TMEM131: variants seen among roughly 807,000 people sequenced by gnomAD.
TMEM131 encodes 2610524E03Rik.
In TMEM131, 66 loss-of-function variants were observed where a neutral mutation model predicts 211.6. That is an observed-to-expected ratio of 0.31 (90% confidence interval 0.26 to 0.38). The LOEUF (loss-of-function observed/expected upper bound fraction) is 0.38. Among genes scored for constraint, TMEM131 ranks in the 10% least tolerant of loss-of-function variants. The pLI is 1.00. For missense variants in TMEM131, 2,036 were observed against 2,299.3 expected, an observed-to-expected ratio of 0.89 and a Z score of 2.34; for synonymous variants, 844 against 841.3, an observed-to-expected ratio of 1.00 and a Z score of -0.06.
In TMEM131 at chr2:97,766,020, T is replaced by C; in HGVS notation, c.4723+94A>G. ...GCTGGCAAAGCACTGTCAATGGGTA[T>C]TTTAAAGCAACATGCCCCTGAAGAG... On this transcript the variant is annotated intron_variant, in intron 35 of 40. Transcript: ENST00000186436. 3 of 1,508,578 alleles carry C rather than the reference T, an allele frequency of 2.0e-6. No individual in the cohort carries two copies. The South Asian group carries it at 3.9e-5, about 19-fold the overall frequency. The allele number at this position is 1,508,578 out of a possible 1,614,324, so 93.4% of individuals were successfully genotyped here.
At chr2:97,816,563 A>G (rs1040921657) in intron 12 of TMEM131, among the ~76,000 whole-genome samples, 5 of 152,186 alleles carry the variant, frequency 3.3e-5, no homozygotes, top group African/African-American at 7.2e-5. Flanking sequence ...AAAAAAGAAC[A>G]AGGAAATGGT....
chr2:97,955,907 C>T (rs547523453), intron 1 of TMEM131, among the ~76,000 whole-genome samples: 34 of 152,068 alleles, frequency 2.2e-4, no homozygotes, highest in Middle Eastern at 3.4e-3. Context: ...GTCAATTCTC[C>T]CCAAATTAAT....
intron 1 of TMEM131, among the ~76,000 whole-genome samples, chr2:97,954,787 CAA>C (rs1259570680): frequency 2.4e-5 from 2 of 84,832 alleles, no homozygotes; most frequent in Non-Finnish European, 4.2e-5. Flanking sequence ...GCCTGGGAGA[CAA>C]GAGTGAAACT....
intron 1 of TMEM131, among the ~76,000 whole-genome samples, chr2:97,988,724 G>C (rs1220586250): frequency 6.6e-6 from 1 of 152,066 alleles, no homozygotes; most frequent in Non-Finnish European, 1.5e-5. Flanking sequence ...CAATGAGATA[G>C]CACCTCACAC....
chr2:97,909,144 T>C (rs887322766), intron 2 of TMEM131, among the ~76,000 whole-genome samples: 1 of 152,078 alleles, frequency 6.6e-6, no homozygotes, highest in Non-Finnish European at 1.5e-5. Flanking sequence ...AAAGGTGCTG[T>C]GAACAGGAAT....
At chr2:97,959,465 T>G (rs541655094) in intron 1 of TMEM131, among the ~76,000 whole-genome samples, 1 of 152,174 alleles carries the variant, frequency 6.6e-6, no homozygotes, top group African/African-American at 2.4e-5. Flanking sequence ...ACCTACAGAA[T>G]AGTTAAAACA....
intron 1 of TMEM131, among the ~76,000 whole-genome samples, chr2:97,943,074 AAAG>A (rs1677865789): frequency 7.0e-6 from 1 of 142,408 alleles, no homozygotes; most frequent in Admixed American, 6.9e-5. Context: ...AGAAAGAAAG[AAAG>A]AAAGAAAGAA....
intron 1 of TMEM131, among the ~76,000 whole-genome samples, chr2:97,958,520 A>G (rs1435786704): frequency 6.6e-6 from 1 of 152,218 alleles, no homozygotes. Flanking sequence ...CTTGGTACTC[A>G]GCAAAAGGTA....
rs1681532009 is a variant in TMEM131, at chr2:97,811,178, T to C, written c.1918A>G (p.Lys640Glu). ...GCTCCATCATGAATCCCCTCTAATT[T>C]TTTTGCAGTAAGTTTGACTCTGAAG... Reference protein sequence around the residue: ...AVFRVKLTAKKLEGIHDGAIQ... With the variant: ...AVFRVKLTAKELEGIHDGAIQ... Residue 640 changes from lysine (K) to glutamate (E), a missense_variant, in exon 18 of 41, where the codon AAA becomes GAA. This residue lies in a region of TMEM131 where 1,623 missense variants were observed against 1,805.9 expected (regional missense o/e 0.90). Transcript: ENST00000186436. 8 of 1,613,814 alleles carry C rather than the reference T, an allele frequency of 5.0e-6. No homozygotes were observed. The highest frequency in any genetic ancestry group is 6.8e-6 in the Non-Finnish European group (8 of 1,179,790).
chr2:97,902,687 A>G (rs1438867853), intron 3 of TMEM131, among the ~76,000 whole-genome samples: 1 of 152,186 alleles, frequency 6.6e-6, no homozygotes, highest in Non-Finnish European at 1.5e-5. Flanking sequence ...ACAAAGTATT[A>G]ATCCTGGGTG....
At chr2:97,762,223 C>T (rs1277069469) in intron 35 of TMEM131, 23 bp from the exon 36 acceptor site, 2 of 1,612,620 alleles carry the variant, frequency 1.2e-6, no homozygotes, top group Non-Finnish European at 1.7e-6. Flanking sequence ...AACAAACGGG[C>T]TCGTTAGTGT....
chr2:97,818,866 T>G (rs751367598), intron 11 of TMEM131, 145 bp from the exon 12 acceptor site: 5 of 536,940 alleles, frequency 9.3e-6, no homozygotes, highest in Non-Finnish European at 1.7e-5. Flanking sequence ...TTAAATGGAG[T>G]AGGCCACACT....
At chr2:97,824,486 G>A (rs1313837654) in intron 11 of TMEM131, among the ~76,000 whole-genome samples, 1 of 152,236 alleles carries the variant, frequency 6.6e-6, no homozygotes, top group Non-Finnish European at 1.5e-5. Context: ...CACCTCCTGA[G>A]TTGTAATTGG....
intron 5 of TMEM131, among the ~76,000 whole-genome samples, chr2:97,849,056 T>C (rs1484427260): frequency 6.6e-6 from 1 of 152,010 alleles, no homozygotes; most frequent in Non-Finnish European, 1.5e-5. Flanking sequence ...AAAAAGATGC[T>C]CAAAATCAAT....
intron 1 of TMEM131, among the ~76,000 whole-genome samples, chr2:97,939,849 G>A (rs551521710): frequency 1.3e-5 from 2 of 152,282 alleles, no homozygotes; most frequent in East Asian, 1.9e-4. Context: ...TCATCCCTGA[G>A]ATGTAAGGCT....
At position 97,792,892 on chromosome 2, in the gene TMEM131, T is replaced by A; in HGVS notation, c.3638A>T (p.Gln1213Leu). Reference sequence around the variant, plus strand: ...GTGTGGGTGGACCGATGGGCCACACTGCTTATGACTCCCGGCACTGGGTCG... The same window carrying A: ...GTGTGGGTGGACCGATGGGCCACACAGCTTATGACTCCCGGCACTGGGTCG... ...SSRPSAGSHK[Q>L]CGPSVHPHSS... is the part of the protein sequence containing the mutation. The change falls in exon 31 of 41, where the codon CAG becomes CTG. Residue 1213 changes from glutamine (Q) to leucine (L), a missense_variant. Transcript: ENST00000186436. The A allele has an allele frequency of 6.2e-7, 1 of 1,613,442 alleles. No individual in the cohort carries two copies. Among genetic ancestry groups the A allele is most frequent in the Non-Finnish European group, 8.5e-7 (1 of 1,179,802 alleles).
intron 16 of TMEM131, 29 bp from the exon 17 acceptor site, chr2:97,812,584 C>T: frequency 1.3e-6 from 2 of 1,595,490 alleles, no homozygotes; most frequent in Non-Finnish European, 1.7e-6. Context: ...AAATGATTAT[C>T]ACAACACAAG....
At chr2:97,806,992 C>T (rs1573389905) in intron 19 of TMEM131, among the ~76,000 whole-genome samples, 2 of 152,158 alleles carry the variant, frequency 1.3e-5, no homozygotes, top group South Asian at 4.2e-4. Context: ...CTACTTCCCT[C>T]GTGCCTTGTC....
At chr2:97,953,536 TAAAAC>T (rs1233965209) in intron 1 of TMEM131, among the ~76,000 whole-genome samples, 2 of 151,924 alleles carry the variant, frequency 1.3e-5, no homozygotes, top group Non-Finnish European at 2.9e-5. Flanking sequence ...TGCAAAATAA[TAAAAC>T]AAAAACTGAT....
Sources: allele counts gnomAD v4.1 joint callset (sites outside exome capture counted in the v4.1 genomes callset), GRCh38; gene constraint gnomAD v4.1.1; regional missense constraint gnomAD v4.1.1; transcripts MANE v1.5; gene names NCBI Gene and HGNC (gene_info 2026-07-23, HGNC 2026-07-21).